The following MAGI2 variants were observed in gnomAD, a reference collection of about 807,000 sequenced individuals.
The protein encoded by MAGI2 is membrane-associated guanylate kinase, WW and PDZ domain-containing protein 2.
Under a neutral mutation model 133.3 loss-of-function variants are expected in MAGI2, and 35 were observed. The ratio of observed to expected loss-of-function variants is 0.26; its 90% confidence interval spans 0.20 to 0.35. The LOEUF (loss-of-function observed/expected upper bound fraction) is 0.35. MAGI2 is among the 10% of genes least tolerant of loss of function. The pLI, the probability that MAGI2 is intolerant of heterozygous loss-of-function variation, is 1.00. For missense variants in MAGI2, 1,636 were observed against 1,863.4 expected (o/e 0.88, Z 2.25); for synonymous variants, 729 against 710.6 (o/e 1.03, Z -0.41).
intron 2 of MAGI2, among the ~76,000 whole-genome samples, chr7:78,753,509 G>A (rs1823650116): frequency 6.6e-6 from 1 of 151,928 alleles, no homozygotes; most frequent in African/African-American, 2.4e-5. Context: ...TTCATAAGAG[G>A]GGAAGAGAGA....
chr7:79,198,970 C>T (rs1828348427), intron 1 of MAGI2, among the ~76,000 whole-genome samples: 1 of 151,776 alleles, frequency 6.6e-6, no homozygotes, highest in African/African-American at 2.4e-5. Flanking sequence ...ACCAGCTTTC[C>T]AAAGACCTAC....
intron 1 of MAGI2, among the ~76,000 whole-genome samples, chr7:79,091,754 A>G (rs1817074759): frequency 1.3e-5 from 2 of 152,004 alleles, no homozygotes; most frequent in South Asian, 4.2e-4. Context: ...GCCATGGACG[A>G]TACACAGATG....
intron 1 of MAGI2, among the ~76,000 whole-genome samples, chr7:79,437,215 C>T (rs1848204165): frequency 1.3e-5 from 2 of 151,922 alleles, no homozygotes; most frequent in Admixed American, 1.3e-4. Context: ...GGAGAGGGGA[C>T]AAGGGTTGAA....
chr7:78,674,561 T>C (rs546931523), intron 2 of MAGI2, among the ~76,000 whole-genome samples: 18 of 152,284 alleles, frequency 1.2e-4, no homozygotes, highest in African/African-American at 4.3e-4. Flanking sequence ...TTTTAATATT[T>C]TGTCTACCTC....
In MAGI2 at chr7:79,251,005, T is replaced by C. The variant is rs75159744; in HGVS notation, c.301+202015A>G. Among the ~76,000 whole-genome samples the C allele has an allele frequency of 5.1e-3, 782 of 152,260 alleles. 8 individuals carry two copies. The highest frequency in any genetic ancestry group is 0.018 in the African/African-American group (749 of 41,552). On this transcript the variant is annotated intron_variant, in intron 1 of 21. Coordinates refer to ENST00000354212, the MANE Select transcript of MAGI2 (RefSeq NM_012301.4). ...ATTGGGAAAGTGACAGTCTCTTCAATAAATGCTGCTGGGAAAGCTGGATAT... is the reference window on the plus strand; with the variant it reads ...ATTGGGAAAGTGACAGTCTCTTCAACAAATGCTGCTGGGAAAGCTGGATAT...
chr7:78,438,550 C>T (rs1155677), intron 6 of MAGI2, among the ~76,000 whole-genome samples: 5 of 152,266 alleles, frequency 3.3e-5, no homozygotes, highest in African/African-American at 9.6e-5. Context: ...CCTTTATGAG[C>T]GTGCTGTTTT....
chr7:78,818,007 T>C (rs1789760461), intron 2 of MAGI2, among the ~76,000 whole-genome samples: 1 of 152,186 alleles, frequency 6.6e-6, no homozygotes, highest in Non-Finnish European at 1.5e-5. Context: ...ACTGCAGTGG[T>C]CTGGAACTGA....
chr7:78,902,826 C>G (rs1355608619), intron 2 of MAGI2, among the ~76,000 whole-genome samples: 1 of 152,006 alleles, frequency 6.6e-6, no homozygotes, highest in Non-Finnish European at 1.5e-5. Flanking sequence ...GAAACAAACC[C>G]TAGGAAGTAT....
intron 1 of MAGI2, among the ~76,000 whole-genome samples, chr7:79,388,843 TA>T (rs11321887): frequency 0.36 from 51,230 of 141,730 alleles, 9,469 homozygotes; most frequent in East Asian, 0.51. Context: ...ATGTAGTCAT[TA>T]AAAAAAAAAA....
intron 2 of MAGI2, among the ~76,000 whole-genome samples, chr7:78,915,724 CT>C (rs1329135439): frequency 6.9e-6 from 1 of 145,512 alleles, no homozygotes; most frequent in African/African-American, 2.5e-5. Flanking sequence ...CTTTTTTTTT[CT>C]TTTTTTAAGA....
At chr7:78,535,155 A>T (rs1195704812) in intron 3 of MAGI2, among the ~76,000 whole-genome samples, 2 of 152,186 alleles carry the variant, frequency 1.3e-5, no homozygotes, top group African/African-American at 4.8e-5. Context: ...AAATAAAAAA[A>T]TGAGTAAAAT....
At chr7:79,186,788 A>C (rs572534948) in intron 1 of MAGI2, among the ~76,000 whole-genome samples, 989 of 65,170 alleles carry the variant, frequency 0.015, 58 homozygotes, top group Admixed American at 0.11. Flanking sequence ...CACACACACA[A>C]AAGTATATAT....
intron 21 of MAGI2, among the ~76,000 whole-genome samples, chr7:78,035,437 T>C (rs573685479): frequency 2.1e-5 from 3 of 143,332 alleles, no homozygotes; most frequent in Admixed American, 6.9e-5. Flanking sequence ...ATAGCGGAGA[T>C]TGGGAACAGA....
intron 9 of MAGI2, among the ~76,000 whole-genome samples, chr7:78,291,446 T>C (rs1291419027): frequency 1.3e-5 from 2 of 152,094 alleles, no homozygotes; most frequent in East Asian, 3.8e-4. Context: ...ATTAATAGCT[T>C]ACCAACCAAA....
At chr7:78,794,123 T>C (rs1052575702) in intron 2 of MAGI2, among the ~76,000 whole-genome samples, 2 of 152,216 alleles carry the variant, frequency 1.3e-5, no homozygotes, top group African/African-American at 4.8e-5. Flanking sequence ...TACACACTTA[T>C]ATCCTTTTTA....
intron 2 of MAGI2, among the ~76,000 whole-genome samples, chr7:78,809,604 G>T (rs1239430510): frequency 6.6e-6 from 1 of 151,950 alleles, no homozygotes; most frequent in East Asian, 1.9e-4. Context: ...CTGTAATGAA[G>T]GTGATATTTT....
At chr7:78,212,348 T>C (rs1035127468) in intron 10 of MAGI2, among the ~76,000 whole-genome samples, 4 of 152,300 alleles carry the variant, frequency 2.6e-5, no homozygotes, top group Middle Eastern at 3.4e-3. Context: ...TCTTTGATTA[T>C]ACAGGTGGGC....
At chr7:78,056,424 C>A (rs1011587608) in intron 21 of MAGI2, among the ~76,000 whole-genome samples, 1 of 152,090 alleles carries the variant, frequency 6.6e-6, no homozygotes, top group Non-Finnish European at 1.5e-5. Context: ...AGCCTAAATG[C>A]CCATCAATGA....
chr7:78,488,303 T>C (rs971883565), intron 6 of MAGI2, among the ~76,000 whole-genome samples: 1 of 152,024 alleles, frequency 6.6e-6, no homozygotes, highest in Admixed American at 6.6e-5. Context: ...ATATTATAAT[T>C]ATGCAATATG....
Sources: allele counts gnomAD v4.1 joint callset (sites outside exome capture counted in the v4.1 genomes callset), GRCh38; gene constraint gnomAD v4.1.1; transcripts MANE v1.5; gene names NCBI Gene and HGNC (gene_info 2026-07-23, HGNC 2026-07-21).